Variants in CREBBP observed in about 807,000 individuals in gnomAD.
CREBBP encodes the protein CREB-binding protein.
A neutral mutation model predicts 265.0 loss-of-function variants in CREBBP; 19 were observed. The ratio of observed to expected loss-of-function variants is 0.07; its 90% CI spans 0.05 to 0.11. The LOEUF is 0.11. CREBBP is among the 10% of genes least tolerant of loss of function. CREBBP has a pLI of 1.00. For missense variants in CREBBP, 2,525 were observed against 3,219.0 expected (o/e 0.78, Z 5.22); for synonymous variants, 1,457 against 1,223.7 (o/e 1.19, Z -3.98).
In CREBBP at chr16:3,850,321, G is replaced by T. The variant is rs758232005; in HGVS notation, c.774C>A (p.Thr258=). The T allele has an allele frequency of 1.2e-6, 2 of 1,614,094 alleles. No individual in the cohort carries two copies. The highest frequency in any genetic ancestry group is 1.7e-5 in the Admixed American group (1 of 60,000). The stretch of plus-strand genomic sequence containing the variant: ...CCTTGGCCATGCCTCCTGCCTGTGC[G>T]GTGTTCAGTCCCGCGTGACCAGTCA... ...PQMTGHAGLN[T]AQAGGMAKMG... Residue 258 remains threonine (T), a synonymous_variant, in exon 2 of 31, where the codon ACC becomes ACA. Transcript: ENST00000262367.
chr16:3,729,932 A>G (rs1157907945), intron 30 of CREBBP, 58 bp from the exon 31 acceptor site: 1 of 1,585,976 alleles, frequency 6.3e-7, no homozygotes, highest in East Asian at 2.3e-5. Flanking sequence ...ACCACCAGGC[A>G]TCCTGGCTGC....
At chr16:3,864,498 A>G (rs2141558703) in intron 1 of CREBBP, among the ~76,000 whole-genome samples, 1 of 152,194 alleles carries the variant, frequency 6.6e-6, no homozygotes, top group East Asian at 1.9e-4. Context: ...AAGTACAAAA[A>G]TTAGCCAGGC....
chr16:3,738,758 A>G, intron 25 of CREBBP, 86 bp from the exon 26 acceptor site: 2 of 871,464 alleles, frequency 2.3e-6, no homozygotes, highest in Non-Finnish European at 3.8e-6. Context: ...CTGGAAGTTT[A>G]CTTTTTAGAC....
intron 3 of CREBBP, among the ~76,000 whole-genome samples, chr16:3,802,263 C>A (rs912576226): frequency 6.6e-6 from 1 of 151,174 alleles, no homozygotes; most frequent in African/African-American, 2.4e-5. Flanking sequence ...TCCCAAGTAG[C>A]TGGACTTACA....
intron 14 of CREBBP, among the ~76,000 whole-genome samples, chr16:3,769,931 C>T (rs923454124): frequency 3.3e-5 from 5 of 151,914 alleles, no homozygotes; most frequent in Admixed American, 2.0e-4. Flanking sequence ...AGTACAATGG[C>T]GCAATCTCGG....
In CREBBP at chr16:3,796,884, A is replaced by T. The variant is rs561640508; in HGVS notation, c.976-3258T>A. Reference sequence around the variant, plus strand: ...AAAGCCATTCTGAGGGTGAATCAACAGTGGAATGGAAAATGTCTTATGTCC... The same window carrying T: ...AAAGCCATTCTGAGGGTGAATCAACTGTGGAATGGAAAATGTCTTATGTCC... On this transcript the variant is annotated intron_variant, in intron 3 of 30. Coordinates refer to ENST00000262367, the MANE Select transcript of CREBBP (RefSeq NM_004380.3). Among the ~76,000 whole-genome samples the T allele has an allele frequency of 2.6e-5, 4 of 152,340 alleles. No homozygotes were observed. The South Asian group carries it at 8.3e-4, about 32-fold the overall frequency.
intron 2 of CREBBP, among the ~76,000 whole-genome samples, chr16:3,825,026 T>C (rs1281279795): frequency 1.3e-5 from 2 of 152,212 alleles, no homozygotes; most frequent in African/African-American, 4.8e-5. Context: ...CTCTAAGATC[T>C]CTTTGCAAAA....
At chr16:3,843,561 C>A (rs893939769) in intron 2 of CREBBP, among the ~76,000 whole-genome samples, 1 of 151,848 alleles carries the variant, frequency 6.6e-6, no homozygotes, top group Admixed American at 6.6e-5. Flanking sequence ...GCTGAGACCA[C>A]AGACATGTGC....
intron 2 of CREBBP, among the ~76,000 whole-genome samples, chr16:3,834,369 G>C (rs754520425): frequency 6.6e-6 from 1 of 152,126 alleles, no homozygotes; most frequent in Non-Finnish European, 1.5e-5. Flanking sequence ...TCTTTCAGTA[G>C]GTAAAGGGAT....
chr16:3,744,626 A>G (rs1245068422), intron 23 of CREBBP, among the ~76,000 whole-genome samples: 1 of 152,182 alleles, frequency 6.6e-6, no homozygotes, highest in Non-Finnish European at 1.5e-5. Flanking sequence ...CATTCTGAGA[A>G]GCACAGACTT....
chr16:3,827,660 G>T (rs1177409679), intron 2 of CREBBP, among the ~76,000 whole-genome samples: 1 of 151,966 alleles, frequency 6.6e-6, no homozygotes, highest in Non-Finnish European at 1.5e-5. Context: ...CAAAGTGCTG[G>T]GATTACAGGC....
At chr16:3,821,970 C>T (rs994633219) in intron 2 of CREBBP, among the ~76,000 whole-genome samples, 6 of 152,194 alleles carry the variant, frequency 3.9e-5, no homozygotes, top group Non-Finnish European at 1.5e-5. Context: ...AGGAGAATCA[C>T]TTGAACCCTG....
chr16:3,854,415 G>A (rs1174532440), intron 1 of CREBBP, among the ~76,000 whole-genome samples: 2 of 152,208 alleles, frequency 1.3e-5, no homozygotes, highest in Non-Finnish European at 1.5e-5. Flanking sequence ...GGGGTGGGGA[G>A]ATCATCTCTG....
In CREBBP at chr16:3,767,841, T is replaced by C. The variant is rs1012423834; in HGVS notation, c.3129A>G (p.Ser1043=). 6.2e-7 allele frequency: 1 copy of C among 1,614,250 alleles called. No individual in the cohort carries two copies. The highest frequency in any genetic ancestry group is 1.3e-5 in the African/African-American group (1 of 75,072). The change falls in exon 16 of 31, where the codon TCA becomes TCG. Residue 1043 remains serine, a synonymous_variant. Transcript: ENST00000262367. Reference sequence around the variant, plus strand: ...TCTTTTCATCCACTTCCATTGGTTCTGATTTCTGCTCTGCTATGTCTGTTT... The same window carrying C: ...TCTTTTCATCCACTTCCATTGGTTCCGATTTCTGCTCTGCTATGTCTGTTT... ...KEETDIAEQK[S]EPMEVDEKKP...
Position 3,769,256 on chromosome 16 carries a change from G to T in CREBBP, c.2978C>A (p.Pro993His), listed in dbSNP as rs767573846. 2 of 1,614,170 alleles carry T rather than the reference G, an allele frequency of 1.2e-6. No individual in the cohort carries two copies. The highest frequency in any genetic ancestry group is 1.7e-6 in the Non-Finnish European group (2 of 1,180,034). The part of the protein sequence containing the change: ...TNSQQPGPDV[P>H]VLEMKTETQA... ...GGTCTCCGTCTTCATTTCCAGCACA[G>T]GTACGTCAGGTCCTGGCTGCTGGGA... Residue 993 changes from proline (P) to histidine (H), a missense_variant, in exon 15 of 31, where the codon CCT (proline) becomes CAT (histidine). By Grantham distance (77) the Pro-to-His change is moderately conservative (BLOSUM62 -2). Transcript: ENST00000262367.
chr16:3,791,263 A>G (rs1221455010), intron 5 of CREBBP: 1 of 152,752 alleles, frequency 6.5e-6, no homozygotes, highest in Non-Finnish European at 1.5e-5. Context: ...GAAGCCTACA[A>G]ATGGCAGGGA....
At chr16:3,838,221 T>C (rs1210107867) in intron 2 of CREBBP, among the ~76,000 whole-genome samples, 4 of 152,218 alleles carry the variant, frequency 2.6e-5, no homozygotes, top group Admixed American at 2.6e-4. Context: ...ACACTTAGCA[T>C]TGTGGCACCG....
At chr16:3,851,305 T>TGAAAAAAAAAAAAAAAAAAAAAAAAAAAA (rs2054830531) in intron 1 of CREBBP, among the ~76,000 whole-genome samples, 1 of 69,006 alleles carries the variant, frequency 1.4e-5, no homozygotes, top group East Asian at 4.5e-4. Flanking sequence ...AAAAAAAAAA[T>TGAAAAAAAAAAAAAAAAAAAAAAAAAAAA]TAAAAAAAAA....
At chr16:3,745,184 C>T (rs2151354943) in intron 22 of CREBBP, 93 bp downstream of exon 22, 1 of 1,195,214 alleles carries the variant, frequency 8.4e-7, no homozygotes, top group Non-Finnish European at 1.2e-6. Flanking sequence ...TGAATTCTTG[C>T]TGACAACAAT....
Sources: allele counts gnomAD v4.1 joint callset (sites outside exome capture counted in the v4.1 genomes callset), GRCh38; gene constraint gnomAD v4.1.1; transcripts MANE v1.5; gene names NCBI Gene and HGNC (gene_info 2026-07-23, HGNC 2026-07-21).